MRTFB: variants seen among roughly 807,000 people sequenced by gnomAD.
MRTFB encodes myocardin-related transcription factor B.
Under a neutral mutation model 104.2 loss-of-function variants are expected in MRTFB, and 29 were observed. That is an observed-to-expected ratio of 0.28 (90% CI 0.21 to 0.38). The LOEUF (loss-of-function observed/expected upper bound fraction) is 0.38, where lower values mean the gene tolerates loss of function less well. MRTFB is among the 10% of genes least tolerant of loss of function. The probability of loss-of-function intolerance (pLI) is 1.00; values close to 1 mark genes in which losing one functional copy is unlikely to be tolerated. For synonymous variants in MRTFB, 535 were observed against 519.5 expected, an observed-to-expected ratio of 1.03 and a Z score of -0.41; for missense variants, 1,270 against 1,341.6, an observed-to-expected ratio of 0.95 and a Z score of 0.83.
chr16:14,100,213 A>G (rs973240132), intron 2 of MRTFB, among the ~76,000 whole-genome samples: 17 of 152,030 alleles, frequency 1.1e-4, no homozygotes, highest in Admixed American at 2.6e-4. Flanking sequence ...AAGTCTTATT[A>G]TTAAGTGTGA....
the MRTFB span, among the ~76,000 whole-genome samples, chr16:14,041,335 A>G: frequency 3.3e-5 from 5 of 151,916 alleles, no homozygotes; most frequent in South Asian, 2.1e-4. Context: ...AAATTGAACA[A>G]CTCTCCATTT....
chr16:14,119,699 A>AT (rs1002355601), intron 2 of MRTFB, among the ~76,000 whole-genome samples: 20 of 151,158 alleles, frequency 1.3e-4, no homozygotes, highest in African/African-American at 2.7e-4. Context: ...TTTTAAACTT[A>AT]TTTTTTTTTA....
At chr16:14,042,610 CT>C in the MRTFB span, among the ~76,000 whole-genome samples, 1 of 152,154 alleles carries the variant, frequency 6.6e-6, no homozygotes, top group South Asian at 2.1e-4. Flanking sequence ...AAATCAGAGA[CT>C]TGTGTGGTTG....
chr16:14,061,701 A>G, the MRTFB span, among the ~76,000 whole-genome samples: 2 of 151,708 alleles, frequency 1.3e-5, no homozygotes, highest in South Asian at 2.1e-4. Flanking sequence ...CTAGGCAAGT[A>G]ATGGAACCAC....
At chr16:14,219,189 A>AGTAG (rs2041571689) in intron 8 of MRTFB, among the ~76,000 whole-genome samples, 191 bp downstream of exon 8, 1 of 152,212 alleles carries the variant, frequency 6.6e-6, no homozygotes, top group Admixed American at 6.5e-5. Flanking sequence ...CTTCATCACA[A>AGTAG]GTAGGTAATA....
At chr16:14,024,695 A>C in the MRTFB span, among the ~76,000 whole-genome samples, 1 of 152,154 alleles carries the variant, frequency 6.6e-6, no homozygotes, top group African/African-American at 2.4e-5. Context: ...GAAATACAGC[A>C]CCTCCTGAGA....
chr16:14,025,524 C>T, the MRTFB span, among the ~76,000 whole-genome samples: 37 of 152,086 alleles, frequency 2.4e-4, no homozygotes, highest in Admixed American at 3.9e-4. Flanking sequence ...AACCTTCATG[C>T]GGTGCCTGCC....
At chr16:14,051,442 T>C in the MRTFB span, among the ~76,000 whole-genome samples, 2 of 151,194 alleles carry the variant, frequency 1.3e-5, no homozygotes, top group Non-Finnish European at 2.9e-5. Context: ...CCCATGGACA[T>C]ACCAACACAG....
Position 14,250,222 on chromosome 16 carries a change from C to G in MRTFB, c.2403+1141C>G, listed in dbSNP as rs139747110. ...ATTTTTTCAAATAGGAGTATATTTA[C>G]AGAACTCATCACCATGGAGATTGTA... On this transcript the variant is annotated intron_variant, in intron 13 of 16. Coordinates refer to ENST00000571589, the MANE Select transcript of MRTFB (RefSeq NM_001308142.2). 1.0e-2 allele frequency among the ~76,000 whole-genome samples: 1,515 copies of G among 152,226 alleles called. 31 individuals carry two copies. Among genetic ancestry groups the G allele is most frequent in the African/African-American group, 0.035 (1,441 of 41,518 alleles).
At chr16:14,239,417 T>C (rs1017736841) in intron 9 of MRTFB, among the ~76,000 whole-genome samples, 1 of 152,252 alleles carries the variant, frequency 6.6e-6, no homozygotes, top group African/African-American at 2.4e-5. Context: ...GATAATGTGA[T>C]CATATCAATA....
At chr16:14,187,963 G>C (rs1049803934) in intron 3 of MRTFB, among the ~76,000 whole-genome samples, 37 of 152,250 alleles carry the variant, frequency 2.4e-4, no homozygotes, top group African/African-American at 8.9e-4. Context: ...GCTCGCTCTT[G>C]CCCGTCTTAT....
At chr16:14,186,528 A>G (rs2039958757) in intron 3 of MRTFB, among the ~76,000 whole-genome samples, 1 of 152,176 alleles carries the variant, frequency 6.6e-6, no homozygotes, top group Admixed American at 6.5e-5. Context: ...TTTATTTTTA[A>G]CTGCTTGACT....
the MRTFB span, among the ~76,000 whole-genome samples, chr16:14,021,905 T>C: frequency 6.6e-6 from 1 of 152,186 alleles, no homozygotes; most frequent in Non-Finnish European, 1.5e-5. Flanking sequence ...CTTTTTCGTA[T>C]AATGACTTAT....
intron 3 of MRTFB, among the ~76,000 whole-genome samples, chr16:14,163,173 C>T (rs2039106210): frequency 6.6e-6 from 1 of 152,116 alleles, no homozygotes; most frequent in Non-Finnish European, 1.5e-5. Context: ...TGAGGGTATA[C>T]AATCAAGACT....
chr16:14,028,353 G>T, the MRTFB span, among the ~76,000 whole-genome samples: 1 of 152,212 alleles, frequency 6.6e-6, no homozygotes, highest in Non-Finnish European at 1.5e-5. Flanking sequence ...AGGTCCCATG[G>T]CCTTAGGCTC....
At position 14,177,903 on chromosome 16, in the gene MRTFB, G is replaced by GGGGTGTGTGTGTGTGT. The variant is rs1555495148; in HGVS notation, c.155-32339_155-32338insGGTGTGTGTGTGTGTG. On this transcript the variant is annotated intron_variant, in intron 3 of 16. Transcript: ENST00000571589. The surrounding 1 kb of genome is among the most constrained non-coding windows in gnomAD (Gnocchi z 4.7). ...CGAGAAGTACATGAACCAGAGGTAG[G>GGGGTGTGTGTGTGTGT]GTGTGTGTGTGTGTGTGTGTGTGTG... Among the ~76,000 whole-genome samples the GGGGTGTGTGTGTGTGT allele has an allele frequency of 6.9e-6, 1 of 145,962 alleles. No homozygotes were observed. The highest frequency in any genetic ancestry group is 2.5e-5 in the African/African-American group (1 of 40,110).
intron 3 of MRTFB, among the ~76,000 whole-genome samples, chr16:14,187,888 A>C (rs1258340299): frequency 1.3e-5 from 2 of 152,198 alleles, no homozygotes; most frequent in East Asian, 3.8e-4. Flanking sequence ...GAAAGCAAAA[A>C]CCCACAATCC....
intron 2 of MRTFB, among the ~76,000 whole-genome samples, chr16:14,126,777 T>A (rs1279082733): frequency 6.6e-6 from 1 of 152,078 alleles, no homozygotes; most frequent in Non-Finnish European, 1.5e-5. Flanking sequence ...GCTAAAAAAT[T>A]TCACAGCTGG....
intron 3 of MRTFB, among the ~76,000 whole-genome samples, chr16:14,169,698 G>A (rs571875144): frequency 3.9e-5 from 6 of 152,256 alleles, no homozygotes; most frequent in African/African-American, 1.2e-4. Context: ...CACACAGGCA[G>A]TTACTATGAA....
Sources: gnomAD v4.1 joint callset for allele counts (sites outside exome capture counted in the v4.1 genomes callset) on GRCh38, gnomAD v4.1.1 for gene constraint, Gnocchi (gnomAD v3.1) non-coding constraint, MANE v1.5 for transcripts, NCBI Gene and HGNC (gene_info 2026-07-23, HGNC 2026-07-21) for gene names.